The following DLGAP2 variants were observed in gnomAD, a reference collection of about 807,000 sequenced individuals.
DLGAP2 encodes disks large-associated protein 2.
DLGAP2 carries 26 observed loss-of-function variants against 100.3 expected under a neutral mutation model. The ratio of observed to expected loss-of-function variants is 0.26; its 90% CI spans 0.19 to 0.36. The LOEUF is 0.36. Ranked by LOEUF, DLGAP2 falls within the 10% of genes least tolerant of loss-of-function variation. The probability of loss-of-function intolerance (pLI) is 1.00; values close to 1 mark genes in which losing one functional copy is unlikely to be tolerated. For missense variants in DLGAP2, 1,858 were observed against 1,453.2 expected (o/e 1.28, Z -4.53); for synonymous variants, 886 against 630.1 (o/e 1.41, Z -6.08).
chr8:1,237,047 C>G (rs1293494728), intron 2 of DLGAP2, among the ~76,000 whole-genome samples: 4 of 143,442 alleles, frequency 2.8e-5, no homozygotes, highest in Non-Finnish European at 6.1e-5. Context: ...CTAGTTCTCT[C>G]ACATGGCACC....
intron 2 of DLGAP2, among the ~76,000 whole-genome samples, chr8:1,225,286 A>G (rs549602868): frequency 2.3e-4 from 35 of 152,362 alleles, no homozygotes; most frequent in African/African-American, 7.2e-4. Flanking sequence ...CAGCGGAGGA[A>G]GGACCTCAGA....
chr8:1,386,388 G>A (rs557709477), intron 3 of DLGAP2, among the ~76,000 whole-genome samples: 1 of 152,184 alleles, frequency 6.6e-6, no homozygotes, highest in East Asian at 1.9e-4. Context: ...ATTGCCAGGG[G>A]AGCCTGTGAG....
chr8:1,491,736 A>T (rs1251273624), intron 3 of DLGAP2, among the ~76,000 whole-genome samples: 2 of 152,236 alleles, frequency 1.3e-5, no homozygotes, highest in Non-Finnish European at 2.9e-5. Flanking sequence ...TTCCTCTTGA[A>T]GTTAGCAGAT....
At chr8:1,500,967 G>A (rs796075020) in intron 3 of DLGAP2, among the ~76,000 whole-genome samples, 6 of 152,322 alleles carry the variant, frequency 3.9e-5, no homozygotes, top group Admixed American at 2.6e-4. Context: ...TCTCATGGGC[G>A]ATGCAGGGCC....
chr8:1,212,386 A>C (rs1282854313), intron 2 of DLGAP2, among the ~76,000 whole-genome samples: 1 of 152,210 alleles, frequency 6.6e-6, no homozygotes. Flanking sequence ...AGAGAACTCC[A>C]GGTTATGGCA....
intron 3 of DLGAP2, among the ~76,000 whole-genome samples, chr8:1,266,964 C>T (rs1201410091): frequency 3.3e-5 from 5 of 152,032 alleles, no homozygotes; most frequent in East Asian, 1.9e-4. Flanking sequence ...CGCGGTGGCT[C>T]ACGCCTATAA....
At chr8:1,239,961 T>A (rs1198657528) in intron 2 of DLGAP2, among the ~76,000 whole-genome samples, 2 of 148,450 alleles carry the variant, frequency 1.3e-5, no homozygotes, top group African/African-American at 5.0e-5. Context: ...TGTCTAGTTC[T>A]CTCTCACACA....
chr8:1,581,583 A>G (rs1411105906), intron 6 of DLGAP2, among the ~76,000 whole-genome samples: 5 of 151,912 alleles, frequency 3.3e-5, no homozygotes, highest in Non-Finnish European at 7.4e-5. Flanking sequence ...AACCCCACAC[A>G]TATACACACA....
At chr8:1,385,933 A>G (rs1171578131) in intron 3 of DLGAP2, among the ~76,000 whole-genome samples, 2 of 152,280 alleles carry the variant, frequency 1.3e-5, no homozygotes, top group Non-Finnish European at 1.5e-5. Context: ...AGCCACGACA[A>G]CCTAGCCAGC....
chr8:1,152,460 CTCTT>C (rs1189849062), intron 2 of DLGAP2, among the ~76,000 whole-genome samples: 12 of 152,220 alleles, frequency 7.9e-5, no homozygotes, highest in African/African-American at 1.9e-4. Context: ...GACTGGAAGA[CTCTT>C]CCTTCCTTCA....
intron 2 of DLGAP2, among the ~76,000 whole-genome samples, chr8:1,008,535 C>T (rs932302397): frequency 1.3e-5 from 2 of 152,244 alleles, no homozygotes; most frequent in Non-Finnish European, 2.9e-5. Context: ...TTTCCGATGG[C>T]TGTTCCTGAA....
At chr8:1,481,656 T>G (rs1164147848) in intron 3 of DLGAP2, among the ~76,000 whole-genome samples, 2 of 151,854 alleles carry the variant, frequency 1.3e-5, no homozygotes, top group Non-Finnish European at 2.9e-5. Context: ...TTTTGTATTT[T>G]TAGTAAAGAC....
chr8:1,276,561 G>T (rs1799701996), intron 3 of DLGAP2, among the ~76,000 whole-genome samples: 1 of 151,974 alleles, frequency 6.6e-6, no homozygotes, highest in African/African-American at 2.4e-5. Context: ...TCTTGCTATA[G>T]TTTTCACATT....
rs575958703 is a variant in DLGAP2 at position 1,665,102 on chromosome 8, G to A, written c.1811-3227G>A. 2.6e-5 allele frequency among the ~76,000 whole-genome samples: 4 copies of A among 152,144 alleles called. No homozygotes were observed. In the South Asian group the frequency reaches 8.3e-4, roughly 32 times the overall value. ...AACACATTATAAAGTGAGAAGATGT[G>A]GTATGTGACTTTCCTGTGATCATGG... On this transcript the variant is annotated intron_variant, in intron 8 of 14. Coordinates refer to ENST00000637795, the MANE Select transcript of DLGAP2 (RefSeq NM_001346810.2).
Position 789,751 on chromosome 8 carries a change from A to G in DLGAP2, c.18+51926A>G, listed in dbSNP as rs117706709. On this transcript the variant is annotated intron_variant, in intron 1 of 14. Coordinates refer to ENST00000637795, the MANE Select transcript of DLGAP2 (RefSeq NM_001346810.2). ...TCTGCTGTACCCAAAGTTAAATCAAACACAGGCCCTGCTTGGCAAAGCCGG... is the reference window on the plus strand; with the variant it reads ...TCTGCTGTACCCAAAGTTAAATCAAGCACAGGCCCTGCTTGGCAAAGCCGG... Among the ~76,000 whole-genome samples the G allele has an allele frequency of 7.2e-3, 1,103 of 152,262 alleles. 8 individuals carry two copies. Among genetic ancestry groups the G allele is most frequent in the Non-Finnish European group, 0.012 (815 of 68,016 alleles).
At chr8:1,490,735 A>C (rs1409895734) in intron 3 of DLGAP2, among the ~76,000 whole-genome samples, 1 of 152,196 alleles carries the variant, frequency 6.6e-6, no homozygotes, top group East Asian at 1.9e-4. Flanking sequence ...CACCAGAACA[A>C]ATGAGCAGAA....
intron 3 of DLGAP2, among the ~76,000 whole-genome samples, chr8:1,494,458 G>A (rs1799487362): frequency 6.6e-6 from 1 of 152,200 alleles, no homozygotes; most frequent in Non-Finnish European, 1.5e-5. Flanking sequence ...TTGGGCAGGT[G>A]CGGTGCCTCA....
chr8:1,057,593 A>T (rs1585020389), intron 2 of DLGAP2, among the ~76,000 whole-genome samples: 1 of 152,210 alleles, frequency 6.6e-6, no homozygotes, highest in Admixed American at 6.5e-5. Context: ...AAGATTAGAA[A>T]CCTCTATTCT....
In DLGAP2 at chr8:1,173,184, C is replaced by T. The variant is rs566132550; in HGVS notation, c.74-85667C>T. 2.9e-4 allele frequency among the ~76,000 whole-genome samples: 44 copies of T among 152,264 alleles called. 1 individual carries two copies. The highest frequency in any genetic ancestry group is 1.8e-3 in the Admixed American group (27 of 15,294). The stretch of plus-strand genomic sequence containing the variant: ...TTGCCTGGGTATCGGCAGCGGTGTC[C>T]GCAGAACAGTGGTTTTTCGTGAACC... On this transcript the variant is annotated intron_variant, in intron 2 of 14. Transcript: ENST00000637795.
Sources: gnomAD v4.1 joint callset for allele counts (sites outside exome capture counted in the v4.1 genomes callset) on GRCh38, gnomAD v4.1.1 for gene constraint, MANE v1.5 for transcripts, NCBI Gene and HGNC (gene_info 2026-07-23, HGNC 2026-07-21) for gene names.